The following CHODL variants were observed in gnomAD, a reference collection of about 807,000 sequenced individuals.
CHODL encodes the protein chondrolectin, also known as transmembrane protein MT75.
A neutral mutation model predicts 34.5 loss-of-function variants in CHODL; 29 were observed. The observed-to-expected ratio is 0.84, with a 90% confidence interval of 0.63 to 1.15. The LOEUF (loss-of-function observed/expected upper bound fraction) is 1.15. CHODL is among the 50% of genes most tolerant of loss of function. CHODL has a pLI of 0.00. For missense variants in CHODL, 332 were observed against 332.5 expected (o/e 1.00, Z 0.01); for synonymous variants, 125 against 116.1 (o/e 1.08, Z -0.49).
At chr21:18,213,767 G>A (rs1287048923) in intron 2 of CHODL, among the ~76,000 whole-genome samples, 1 of 152,024 alleles carries the variant, frequency 6.6e-6, no homozygotes, top group Non-Finnish European at 1.5e-5. Context: ...AAGTATAGGG[G>A]TTTTTATCTA....
In CHODL at chr21:18,169,679, C is replaced by T. The variant is rs542479923; in HGVS notation, c.-44-86830C>T. Among the ~76,000 whole-genome samples the T allele has an allele frequency of 7.8e-4, 119 of 151,822 alleles. 2 individuals are homozygous for T. Among genetic ancestry groups the T allele is most frequent in the Non-Finnish European group, 1.3e-3 (88 of 67,844 alleles). On this transcript the variant is annotated intron_variant, in intron 2 of 6. Transcript: ENST00000400127. ...CCACTGATTTATCTAATTTTTTAAACGGATAAGTTTAGGTTTTTGATTTTA... is the reference window on the plus strand; with the variant it reads ...CCACTGATTTATCTAATTTTTTAAATGGATAAGTTTAGGTTTTTGATTTTA...
chr21:18,044,492 G>T (rs1268012652), intron 2 of CHODL, among the ~76,000 whole-genome samples: 1 of 151,798 alleles, frequency 6.6e-6, no homozygotes, highest in East Asian at 1.9e-4. Flanking sequence ...TAACAACATT[G>T]AATTTTCACT....
intron 2 of CHODL, among the ~76,000 whole-genome samples, chr21:18,120,143 T>A (rs1465088503): frequency 6.6e-6 from 1 of 152,198 alleles, no homozygotes; most frequent in Non-Finnish European, 1.5e-5. Context: ...ATCTTTGAGA[T>A]AAGAATTGTT....
chr21:18,176,321 CTGTT>C (rs1305502850), intron 2 of CHODL, among the ~76,000 whole-genome samples: 1 of 152,142 alleles, frequency 6.6e-6, no homozygotes, highest in Non-Finnish European at 1.5e-5. Context: ...TTCATGTAGT[CTGTT>C]AGTTATATCT....
At chr21:18,030,518 C>A (rs1023132477) in intron 2 of CHODL, among the ~76,000 whole-genome samples, 7 of 152,126 alleles carry the variant, frequency 4.6e-5, no homozygotes, top group African/African-American at 1.4e-4. Flanking sequence ...AACTGCTCGT[C>A]GTTTTCCATT....
At chr21:18,176,848 G>T (rs78659551) in intron 2 of CHODL, among the ~76,000 whole-genome samples, 1 of 151,922 alleles carries the variant, frequency 6.6e-6, no homozygotes, top group Admixed American at 6.6e-5. Flanking sequence ...GAAATTGGAG[G>T]CAAGAGTACA....
chr21:18,176,405 T>G (rs2073313443), intron 2 of CHODL, among the ~76,000 whole-genome samples: 1 of 152,204 alleles, frequency 6.6e-6, no homozygotes, highest in Non-Finnish European at 1.5e-5. Flanking sequence ...TGTGCATATC[T>G]ATATACTATA....
At chr21:17,934,234 T>TA (rs58780393) in intron 1 of CHODL, among the ~76,000 whole-genome samples, 3,326 of 140,376 alleles carry the variant, frequency 0.024, 106 homozygotes, top group African/African-American at 0.074. Context: ...TCTATAAAAA[T>TA]AAAAAAAAAA....
intron 2 of CHODL, among the ~76,000 whole-genome samples, chr21:18,040,316 G>T (rs983607656): frequency 5.3e-5 from 8 of 151,798 alleles, no homozygotes; most frequent in Non-Finnish European, 1.0e-4. Flanking sequence ...CTTTACAAAA[G>T]AGAAGGAGAC....
rs141952831 is a variant in CHODL, at chr21:18,150,260, G to A, written c.-44-106249G>A. On this transcript the variant is annotated intron_variant, in intron 2 of 6. Coordinates refer to the CHODL transcript ENST00000400127. The stretch of plus-strand genomic sequence containing the variant: ...GCCTTCAGGTAGCAGGCCTCAGAGA[G>A]GATGGATTGTAAATGCTTCTTAACA... Among the ~76,000 whole-genome samples, 364 of 152,234 alleles carry A rather than the reference G, an allele frequency of 2.4e-3. 1 individual carries two copies. Among genetic ancestry groups the A allele is most frequent in the African/African-American group, 8.2e-3 (339 of 41,554 alleles).
chr21:18,186,966 G>A (rs2073449350), intron 2 of CHODL, among the ~76,000 whole-genome samples: 1 of 152,030 alleles, frequency 6.6e-6, no homozygotes, highest in African/African-American at 2.4e-5. Context: ...ATTGGTAGAT[G>A]GTACCATGCT....
intron 1 of CHODL, among the ~76,000 whole-genome samples, chr21:17,953,118 A>C (rs928340644): frequency 1.3e-5 from 2 of 152,192 alleles, no homozygotes; most frequent in African/African-American, 4.8e-5. Context: ...CAATAATAAA[A>C]TAATATAAGA....
intron 2 of CHODL, among the ~76,000 whole-genome samples, chr21:18,039,283 A>G (rs906721198): frequency 6.6e-6 from 1 of 151,734 alleles, no homozygotes; most frequent in African/African-American, 2.4e-5. Context: ...GAAGAAATCT[A>G]TTTTGATTGT....
At position 18,245,803 on chromosome 21, in the gene CHODL, C is replaced by G. The variant is rs188324045; in HGVS notation, c.79+501C>G. On this transcript the variant is annotated intron_variant, in intron 1 of 5. Coordinates refer to ENST00000299295, the MANE Select transcript of CHODL (RefSeq NM_024944.3). ...GGTCGCCTCCGGATGCCTGGGCATT[C>G]GGTCTTTGTTCTCAGCAGGACTACT... The G allele has an allele frequency of 3.2e-6, 3 of 949,118 alleles. No homozygotes were observed. In the Admixed American group the frequency reaches 6.9e-5, roughly 22 times the overall value. 58.8% of individuals were successfully genotyped at this position (949,118 alleles called of 1,614,324 possible).
intron 1 of CHODL, among the ~76,000 whole-genome samples, chr21:17,994,144 A>C (rs368320614): frequency 1.5e-3 from 14 of 9,306 alleles, no homozygotes; most frequent in African/African-American, 6.4e-3. Context: ...TTCTTCCTCT[A>C]ATTTTGGGTT....
intron 2 of CHODL, among the ~76,000 whole-genome samples, chr21:18,044,761 A>G (rs1232770098): frequency 1.3e-5 from 2 of 151,938 alleles, no homozygotes; most frequent in Non-Finnish European, 2.9e-5. Context: ...TCTTGATTAA[A>G]TTTTGATTTG....
chr21:18,072,489 G>A (rs1460280724), intron 2 of CHODL, among the ~76,000 whole-genome samples: 4 of 152,108 alleles, frequency 2.6e-5, no homozygotes, highest in African/African-American at 9.7e-5. Context: ...GGGAATTTAG[G>A]AGAAGACTCT....
At chr21:17,957,459 T>A (rs377357386) in intron 1 of CHODL, among the ~76,000 whole-genome samples, 1 of 152,300 alleles carries the variant, frequency 6.6e-6, no homozygotes, top group African/African-American at 2.4e-5. Flanking sequence ...TTCTCCTCCA[T>A]GTTTTGTTCA....
chr21:17,979,547 A>T (rs2063697403), intron 1 of CHODL, among the ~76,000 whole-genome samples: 1 of 152,098 alleles, frequency 6.6e-6, no homozygotes, highest in Admixed American at 6.6e-5. Context: ...ATTACTGCTA[A>T]TTTTTGGTTT....
Sources: allele counts gnomAD v4.1 joint callset (sites outside exome capture counted in the v4.1 genomes callset), GRCh38; gene constraint gnomAD v4.1.1; transcripts MANE v1.5; gene names NCBI Gene and HGNC (gene_info 2026-07-23, HGNC 2026-07-21).